The following UBR4 variants were observed in gnomAD, a reference collection of about 807,000 sequenced individuals.
UBR4 encodes the protein ubiquitin protein ligase E3 component n-recognin 4.
UBR4 carries 124 observed loss-of-function variants against 575.6 expected under a neutral mutation model. The observed-to-expected ratio is 0.22, with a 90% CI of 0.19 to 0.25. UBR4 has a LOEUF of 0.25. Ranked by LOEUF, UBR4 falls within the 10% of genes least tolerant of loss-of-function variation. The pLI is 1.00. For synonymous variants in UBR4, 2,455 were observed against 2,473.7 expected (o/e 0.99, Z 0.22); for missense variants, 4,818 against 6,478.8 (o/e 0.74, Z 8.80).
chr1:19,075,008 G>T, intron 105 of UBR4, 112 bp from the exon 106 acceptor site: 2 of 1,143,740 alleles, frequency 1.7e-6, no homozygotes, highest in Admixed American at 2.0e-5. Flanking sequence ...GACAAGCTCT[G>T]GCCCGGCTGC....
chr1:19,138,260 T>C, intron 59 of UBR4, 79 bp from the exon 60 acceptor site: 3 of 1,386,338 alleles, frequency 2.2e-6, no homozygotes, highest in Non-Finnish European at 2.8e-6. Context: ...GCAGCAGCAA[T>C]AGTTAAGACA....
At chr1:19,166,222 G>A (rs1219036212) in intron 29 of UBR4, among the ~76,000 whole-genome samples, 6 of 152,232 alleles carry the variant, frequency 3.9e-5, no homozygotes, top group Non-Finnish European at 8.8e-5. Flanking sequence ...ACAATTCTCC[G>A]TGGGGTGAAA....
At position 19,106,574 on chromosome 1, in the gene UBR4, G is replaced by T. The variant is rs1302308927; in HGVS notation, c.12388C>A (p.Arg4130=). The change falls in exon 83 of 106, where the codon CGA becomes AGA. Residue 4130 remains arginine, a synonymous_variant. Transcript: ENST00000375254. ...DLKLGHNNWL[R]QVLFTPATQA... is the part of the protein sequence containing the mutation. ...GTCCAGAAGTGGCCACTCACTTGTCGCAGCCAGTTGTTATGCCCCAGTTTG... is the reference window on the plus strand; with the variant it reads ...GTCCAGAAGTGGCCACTCACTTGTCTCAGCCAGTTGTTATGCCCCAGTTTG... 3.2e-6 allele frequency: 5 copies of T among 1,561,006 alleles called. No homozygotes were observed. The highest frequency in any genetic ancestry group is 4.3e-6 in the Non-Finnish European group (5 of 1,155,396).
Position 19,144,021 on chromosome 1 carries a change from T to C in UBR4, c.8138A>G (p.His2713Arg). Reference sequence around the variant, plus strand: ...TCGAGGGGAAGAGGGTAAAGTCACATGTCTCCGTTTGTTCCTGGGCCTTAG... The same window carrying C: ...TCGAGGGGAAGAGGGTAAAGTCACACGTCTCCGTTTGTTCCTGGGCCTTAG... ...RVLRPRNKRR[H>R]VTLPSSPRSN... Residue 2713 changes from histidine to arginine, a missense_variant, in exon 55 of 106, where the codon CAT (histidine) becomes CGT (arginine). By Grantham distance (29) the His-to-Arg change is conservative (BLOSUM62 0). Around this residue, in one of 29 missense-constraint regions of UBR4, gnomAD observed 129 missense variants for 198.4 expected, o/e 0.65. Coordinates refer to ENST00000375254, the MANE Select transcript of UBR4 (RefSeq NM_020765.3). The C allele has an allele frequency of 6.2e-6, 10 of 1,614,134 alleles. No individual in the cohort carries two copies. Among genetic ancestry groups the C allele is most frequent in the South Asian group, 1.1e-5 (1 of 91,092 alleles).
In UBR4 at chr1:19,169,519, A is replaced by C; in HGVS notation, c.3657T>G (p.Val1219=). 1 of 1,613,798 alleles carries C rather than the reference A, an allele frequency of 6.2e-7. No homozygotes were observed. The highest frequency in any genetic ancestry group is 8.5e-7 in the Non-Finnish European group (1 of 1,179,892). Reference sequence around the variant, plus strand: ...TCTGCACTGACGATGGCAAATTCTGAACCAGTGTCGGACCTGGAGGCGACA... The same window carrying C: ...TCTGCACTGACGATGGCAAATTCTGCACCAGTGTCGGACCTGGAGGCGACA... The part of the protein sequence containing the change: ...CKANTLGPTL[V]QNLPSSVQTV... The change falls in exon 27 of 106, where the codon GTT becomes GTG. Residue 1219 remains valine (V), a synonymous_variant. Coordinates refer to ENST00000375254, the MANE Select transcript of UBR4 (RefSeq NM_020765.3).
chr1:19,154,479 GAA>G (rs1407639847), intron 44 of UBR4, among the ~76,000 whole-genome samples: 1 of 152,108 alleles, frequency 6.6e-6, no homozygotes, highest in African/African-American at 2.4e-5. Flanking sequence ...CAAACTTGTT[GAA>G]AGTCTCTTCC....
intron 74 of UBR4, 37 bp downstream of exon 74, chr1:19,115,361 T>A (rs370180311): frequency 6.2e-7 from 1 of 1,602,844 alleles, no homozygotes; most frequent in South Asian, 1.1e-5. Flanking sequence ...ACAAGGAATG[T>A]GCACAGCCCT....
chr1:19,133,852 G>C lies in UBR4; in HGVS notation c.8906+4155C>G, dbSNP rs1570917267. On this transcript the variant is annotated intron_variant, in intron 60 of 105. Transcript: ENST00000375254. Reference sequence around the variant, plus strand: ...CCAGCACTTTGGGAGGCCAAGGTGGGTGGATCACCTGAGGTTGGGGGTTCA... The same window carrying C: ...CCAGCACTTTGGGAGGCCAAGGTGGCTGGATCACCTGAGGTTGGGGGTTCA... Among the ~76,000 whole-genome samples the C allele has an allele frequency of 2.0e-5, 3 of 152,188 alleles. No individual in the cohort carries two copies. The Middle Eastern group carries it at 0.01, about 518-fold the overall frequency.
chr1:19,208,018 C>A (rs2093095204), intron 1 of UBR4, among the ~76,000 whole-genome samples: 1 of 152,176 alleles, frequency 6.6e-6, no homozygotes, highest in African/African-American at 2.4e-5. Flanking sequence ...ACAAACTGAA[C>A]ACTTGATACG....
intron 87 of UBR4, among the ~76,000 whole-genome samples, chr1:19,103,593 TA>T (rs1246782835): frequency 6.6e-6 from 1 of 152,110 alleles, no homozygotes; most frequent in Non-Finnish European, 1.5e-5. Flanking sequence ...AAAGAGACCA[TA>T]AAATCTAGAA....
chr1:19,185,384 G>A, intron 14 of UBR4, 98 bp from the exon 15 acceptor site: 1 of 1,186,432 alleles, frequency 8.4e-7, no homozygotes, highest in Non-Finnish European at 1.2e-6. Flanking sequence ...AGGAATACAA[G>A]GATATCCCAA....
intron 92 of UBR4, 116 bp from the exon 93 acceptor site, chr1:19,095,768 A>T: frequency 1.1e-6 from 1 of 882,922 alleles, no homozygotes; most frequent in Admixed American, 2.1e-5. Flanking sequence ...CTCCTCCTGA[A>T]ATGAAGAGGA....
chr1:19,128,959 C>T lies in UBR4; in HGVS notation c.9003+19G>A. On this transcript the variant is annotated intron_variant, in intron 61 of 105. Transcript: ENST00000375254. ...GTCCAATCATGACCTGACAGAGATC[C>T]AGGTGAGCTAAGAGATACCTGCATG... 2 of 1,609,686 alleles carry T rather than the reference C, an allele frequency of 1.2e-6. No individual in the cohort carries two copies. The highest frequency in any genetic ancestry group is 1.7e-6 in the Non-Finnish European group (2 of 1,176,028).
At chr1:19,164,149 G>T in intron 33 of UBR4, 104 bp downstream of exon 33, 1 of 1,345,360 alleles carries the variant, frequency 7.4e-7, no homozygotes, top group Non-Finnish European at 1.0e-6. Context: ...CCAATGAAAG[G>T]GTAGAGATTC....
At chr1:19,129,209 T>TA (rs575778622) in intron 60 of UBR4, 135 bp from the exon 61 acceptor site, 22,496 of 496,472 alleles carry the variant, frequency 0.045, no homozygotes, top group South Asian at 0.067. Flanking sequence ...TCTCCAGCAT[T>TA]AAAAAAAAAA....
chr1:19,105,925 C>T, intron 83 of UBR4, 83 bp from the exon 84 acceptor site: 1 of 1,044,696 alleles, frequency 9.6e-7, no homozygotes, highest in South Asian at 1.8e-5. Context: ...TCAACTGCCA[C>T]CCATCTAGGA....
At chr1:19,167,911 T>C in intron 28 of UBR4, 116 bp downstream of exon 28, 1 of 1,175,458 alleles carries the variant, frequency 8.5e-7, no homozygotes, top group Non-Finnish European at 1.1e-6. Flanking sequence ...AGGTTCTTTT[T>C]GCTAAAGAAG....
chr1:19,165,406 A>T, intron 30 of UBR4, 57 bp from the exon 31 acceptor site: 2 of 1,442,934 alleles, frequency 1.4e-6, no homozygotes, highest in Non-Finnish European at 1.9e-6. Flanking sequence ...CCACATAAAA[A>T]GCATCCTTTC....
At chr1:19,199,994 A>G (rs2092667287) in intron 2 of UBR4, among the ~76,000 whole-genome samples, 1 of 152,248 alleles carries the variant, frequency 6.6e-6, no homozygotes. Context: ...ACCAGTGCCA[A>G]GCACTTCAAA....
Sources: gnomAD v4.1 joint callset for allele counts (sites outside exome capture counted in the v4.1 genomes callset) on GRCh38, gnomAD v4.1.1 for gene constraint, gnomAD v4.1.1 regional missense constraint, MANE v1.5 for transcripts, NCBI Gene and HGNC (gene_info 2026-07-23, HGNC 2026-07-21) for gene names.